Variants in LAMA2 observed in about 807,000 individuals in gnomAD.
LAMA2 encodes the protein laminin subunit alpha-2.
In LAMA2, 269 loss-of-function variants were observed where a neutral mutation model predicts 364.8. The ratio of observed to expected loss-of-function variants is 0.74; its 90% CI spans 0.67 to 0.82. The LOEUF is 0.82. Ranked by LOEUF, LAMA2 falls within the 40% of genes least tolerant of loss-of-function variation. The pLI is 0.00. For missense variants in LAMA2, 3,807 were observed against 3,873.2 expected (o/e 0.98, Z 0.45); for synonymous variants, 1,379 against 1,370.6 (o/e 1.01, Z -0.14).
chr6:129,191,891 A>G (rs1427019831), intron 11 of LAMA2, among the ~76,000 whole-genome samples: 1 of 152,194 alleles, frequency 6.6e-6, no homozygotes, highest in East Asian at 1.9e-4. Flanking sequence ...TGTCCTGACT[A>G]GGTAGGATGC....
chr6:129,475,280 T>C (rs1583836716), intron 52 of LAMA2, 110 bp from the exon 53 acceptor site: 3 of 706,588 alleles, frequency 4.2e-6, no homozygotes, highest in East Asian at 2.8e-5. Context: ...CCCTGTGAAA[T>C]GATTTTTTAA....
chr6:128,911,536 C>G (rs1777953851), intron 1 of LAMA2, among the ~76,000 whole-genome samples: 2 of 152,198 alleles, frequency 1.3e-5, no homozygotes, highest in Admixed American at 6.5e-5. Context: ...CGCCCACTGT[C>G]TGGCATTCCT....
At chr6:129,438,976 A>G (rs1165432629) in intron 42 of LAMA2, among the ~76,000 whole-genome samples, 2 of 151,936 alleles carry the variant, frequency 1.3e-5, no homozygotes, top group Non-Finnish European at 2.9e-5. Context: ...TTTAGCCAGT[A>G]TCCTTAGGAA....
At chr6:128,884,660 G>C (rs1219927543) in intron 1 of LAMA2, among the ~76,000 whole-genome samples, 1 of 152,130 alleles carries the variant, frequency 6.6e-6, no homozygotes, top group African/African-American at 2.4e-5. Flanking sequence ...GCTTCTCTGA[G>C]AGGTAAAATG....
chr6:129,323,510 A>G lies in LAMA2; in HGVS notation c.4176+2855A>G, dbSNP rs565655590. ...ATGTTAGTTTTAGAAATGCCTAATT[A>G]TTATAATTTACTATTTGCAGAAGGG... On this transcript the variant is annotated intron_variant, in intron 28 of 64. Transcript: ENST00000421865. 4.9e-4 allele frequency among the ~76,000 whole-genome samples: 75 copies of G among 152,250 alleles called. 1 individual carries two copies. In the South Asian group the frequency reaches 0.013, roughly 27 times the overall value.
chr6:129,502,124 C>T (rs967049001), intron 58 of LAMA2, among the ~76,000 whole-genome samples: 1 of 152,122 alleles, frequency 6.6e-6, no homozygotes, highest in African/African-American at 2.4e-5. Flanking sequence ...CTGGCAAGGG[C>T]CTGAATGGGC....
chr6:129,308,643 A>G (rs1774024892), intron 22 of LAMA2, among the ~76,000 whole-genome samples: 1 of 152,358 alleles, frequency 6.6e-6, no homozygotes, highest in Admixed American at 6.5e-5. Flanking sequence ...ATTACAAAAA[A>G]AAACAAAACT....
At chr6:129,452,528 A>G (rs1782730816) in intron 45 of LAMA2, among the ~76,000 whole-genome samples, 1 of 152,174 alleles carries the variant, frequency 6.6e-6, no homozygotes, top group African/African-American at 2.4e-5. Context: ...AGAGTATAGG[A>G]GGGTTGGTAA....
At chr6:129,082,979 C>T (rs572691439) in intron 3 of LAMA2, among the ~76,000 whole-genome samples, 1 of 151,746 alleles carries the variant, frequency 6.6e-6, no homozygotes, top group African/African-American at 2.4e-5. Context: ...GATATTTTTT[C>T]TATAAAGTTT....
At chr6:129,286,724 TAATATA>T (rs1298859636) in intron 18 of LAMA2, among the ~76,000 whole-genome samples, 25 of 228 alleles carry the variant, frequency 0.11, 4 homozygotes, top group South Asian at 1. Context: ...ATATATTATA[TAATATA>T]TTATATAATA....
Position 129,486,546 on chromosome 6 carries a change from A to C in LAMA2, c.7822A>C (p.Lys2608Gln). Residue 2608 changes from lysine (K) to glutamine (Q), a missense_variant, in exon 56 of 65, where the codon AAA becomes CAA. Physicochemically the swap from Lys to Gln is moderately conservative, Grantham distance 53. Around this residue, in one of 3 missense-constraint regions of LAMA2, gnomAD observed 3,333 missense variants for 3,345.7 expected, o/e 1.00. Coordinates refer to ENST00000421865, the MANE Select transcript of LAMA2 (RefSeq NM_000426.4). ...HLSTGARTMR[K>Q]IVIRPEPNLF... ...CTCCACAGGGGCACGAACAATGAGG[A>C]AAATTGTGATCAGACCAGAGCCGAA... 6.2e-7 allele frequency: 1 copy of C among 1,613,942 alleles called. No homozygotes were observed. The highest frequency in any genetic ancestry group is 8.5e-7 in the Non-Finnish European group (1 of 1,179,846).
rs552137420 is a variant in LAMA2, at chr6:129,205,044, G to C, written c.1782+12191G>C. Among the ~76,000 whole-genome samples, 7 of 152,116 alleles carry C rather than the reference G, an allele frequency of 4.6e-5. No homozygotes were observed. In the South Asian group the frequency reaches 1.2e-3, roughly 27 times the overall value. On this transcript the variant is annotated intron_variant, in intron 12 of 64. Transcript: ENST00000421865. ...TTCCTGTGGCTTCTTCAGGAACAAAGGTCCTCCTAAATTGGTAGTGTGAAT... is the reference window on the plus strand; with the variant it reads ...TTCCTGTGGCTTCTTCAGGAACAAACGTCCTCCTAAATTGGTAGTGTGAAT...
intron 1 of LAMA2, among the ~76,000 whole-genome samples, chr6:128,972,347 G>A (rs1310341759): frequency 1.3e-5 from 2 of 152,246 alleles, no homozygotes; most frequent in African/African-American, 4.8e-5. Context: ...TGTATAAATG[G>A]TTTTGTATGA....
rs141393268 is a variant in LAMA2, at chr6:128,964,889, G to A, written c.112+81532G>A. On this transcript the variant is annotated intron_variant, in intron 1 of 64. Transcript: ENST00000421865. ...GGTAAATGAGTGTACTTCAGTGTCA[G>A]GACTGTTTTTATTAACAGATTTTAT... Among the ~76,000 whole-genome samples, 497 of 152,060 alleles carry A rather than the reference G, an allele frequency of 3.3e-3. 1 individual carries two copies. The highest frequency in any genetic ancestry group is 0.01 in the Middle Eastern group (3 of 292).
chr6:129,369,543 T>C lies in LAMA2; in HGVS notation c.4861-349T>C, dbSNP rs7748864. ...AGTTTATCTTAACTCTACCCCTTAC[T>C]GACTGTGTGATCTCGTGCACATTTT... is the stretch of plus-strand genomic sequence containing the variant. On this transcript the variant is annotated intron_variant, in intron 33 of 64. Coordinates refer to ENST00000421865, the MANE Select transcript of LAMA2 (RefSeq NM_000426.4). Among the ~76,000 whole-genome samples the C allele has an allele frequency of 9.1e-3, 1,387 of 152,324 alleles. 22 individuals are homozygous for C. The highest frequency in any genetic ancestry group is 0.032 in the African/African-American group (1,332 of 41,574).
chr6:129,383,626 T>C (rs1051799966), intron 35 of LAMA2, among the ~76,000 whole-genome samples: 1 of 152,212 alleles, frequency 6.6e-6, no homozygotes, highest in Non-Finnish European at 1.5e-5. Flanking sequence ...TTTCTCCAAA[T>C]GGCTTTTCAA....
At chr6:129,171,525 A>G (rs1042644966) in intron 9 of LAMA2, among the ~76,000 whole-genome samples, 5 of 152,126 alleles carry the variant, frequency 3.3e-5, no homozygotes, top group Admixed American at 1.3e-4. Context: ...CGGCTTGTAG[A>G]GTTTCTGCCG....
chr6:129,308,740 G>A (rs1447335592), intron 22 of LAMA2, among the ~76,000 whole-genome samples: 4 of 152,188 alleles, frequency 2.6e-5, no homozygotes, highest in African/African-American at 9.7e-5. Flanking sequence ...TGGGCTCACA[G>A]TTCTGGAGGG....
At chr6:129,454,052 T>A in intron 46 of LAMA2, 103 bp from the exon 47 acceptor site, 1 of 835,778 alleles carries the variant, frequency 1.2e-6, no homozygotes, top group Non-Finnish European at 2.1e-6. Context: ...CCTAATCATT[T>A]CACATGTCTG....
Sources: allele counts gnomAD v4.1 joint callset (sites outside exome capture counted in the v4.1 genomes callset), GRCh38; gene constraint gnomAD v4.1.1; regional missense constraint gnomAD v4.1.1; transcripts MANE v1.5; gene names NCBI Gene and HGNC (gene_info 2026-07-23, HGNC 2026-07-21).